Variants in FBXW11 observed in about 807,000 individuals in gnomAD.
The protein encoded by FBXW11 is F-box/WD repeat-containing protein 11.
Under a neutral mutation model 77.6 loss-of-function variants are expected in FBXW11, and 19 were observed. The ratio of observed to expected loss-of-function variants is 0.24; its 90% CI spans 0.17 to 0.36. The LOEUF is 0.36. Among genes scored for constraint, FBXW11 ranks in the 10% least tolerant of loss-of-function variants. The pLI, the probability that FBXW11 is intolerant of heterozygous loss-of-function variation, is 1.00. For synonymous variants in FBXW11, 235 were observed against 249.4 expected, an observed-to-expected ratio of 0.94 and a Z score of 0.54; for missense variants, 334 against 704.2, an observed-to-expected ratio of 0.47 and a Z score of 5.95.
intron 2 of FBXW11, among the ~76,000 whole-genome samples, chr5:171,935,160 T>C (rs1762410548): frequency 6.6e-6 from 1 of 152,176 alleles, no homozygotes; most frequent in Non-Finnish European, 1.5e-5. Context: ...GGTTTCACCG[T>C]GTTAGCCAGG....
chr5:172,005,418 T>A (rs1288987783), intron 1 of FBXW11, among the ~76,000 whole-genome samples: 1 of 152,246 alleles, frequency 6.6e-6, no homozygotes, highest in Admixed American at 6.5e-5. Flanking sequence ...CATGTTCACG[T>A]TGGCAGGTAA....
rs1763981767 is a variant in FBXW11, at chr5:171,962,857, GT to G, written c.46-5160del. Among the ~76,000 whole-genome samples, 5 of 152,250 alleles carry G rather than the reference GT, an allele frequency of 3.3e-5. No individual in the cohort carries two copies. In the South Asian group the frequency reaches 1.0e-3, roughly 32 times the overall value. ...GCCCTGATTCCTTCTCAAAGAAGCAGTTCTTTTAAAATTTCCCCAAAGAGGT... is the reference window on the plus strand; with the variant it reads ...GCCCTGATTCCTTCTCAAAGAAGCAGTCTTTTAAAATTTCCCCAAAGAGGT... On this transcript the variant is annotated intron_variant, in intron 1 of 13. Transcript: ENST00000517395.
chr5:171,981,147 TAA>T (rs58104034), intron 1 of FBXW11, among the ~76,000 whole-genome samples: 13 of 149,936 alleles, frequency 8.7e-5, no homozygotes, highest in Admixed American at 2.0e-4. Flanking sequence ...TGACCTCCAT[TAA>T]AAAAAAAAAT....
intron 2 of FBXW11, among the ~76,000 whole-genome samples, chr5:171,956,167 AAATACACCTATTAT>A (rs1194390747): frequency 2.0e-5 from 3 of 152,228 alleles, no homozygotes; most frequent in Non-Finnish European, 2.9e-5. Context: ...ATAGAGACAA[AAATACACCTATTAT>A]AATACACCTA....
chr5:171,947,143 T>C (rs562203121), intron 2 of FBXW11, among the ~76,000 whole-genome samples: 1 of 152,086 alleles, frequency 6.6e-6, no homozygotes, highest in Admixed American at 6.6e-5. Context: ...ACCACTAAAA[T>C]GTAGGTTCTG....
Position 171,977,708 on chromosome 5 carries a change from A to G in FBXW11, c.46-20010T>C. On this transcript the variant is annotated intron_variant, in intron 1 of 13. Transcript: ENST00000517395. ...AGGAGCAGGTCACATCTTAAGTAGA[A>G]TGGCAGCAAGCAAAGAGAGAGAAGC... is the stretch of plus-strand genomic sequence containing the variant. 4.8e-6 allele frequency: 2 copies of G among 415,376 alleles called. 1 individual carries two copies. The highest frequency in any genetic ancestry group is 3.5e-5 in the South Asian group (2 of 57,894). 25.7% of individuals were successfully genotyped at this position (415,376 alleles called of 1,614,324 possible).
intron 2 of FBXW11, among the ~76,000 whole-genome samples, chr5:171,930,762 T>TAAAAAAAAAAAAAAAAAAAAAAAAAAAAA (rs59700625): frequency 3.2e-5 from 4 of 126,530 alleles, no homozygotes; most frequent in Non-Finnish European, 3.3e-5. Flanking sequence ...AATAAAAAAA[T>TAAAAAAAAAAAAAAAAAAAAAAAAAAAAA]AAAAAAAAAA....
intron 7 of FBXW11, among the ~76,000 whole-genome samples, chr5:171,886,005 G>T (rs1023047243): frequency 6.6e-6 from 1 of 152,162 alleles, no homozygotes; most frequent in African/African-American, 2.4e-5. Flanking sequence ...GTCTTATTAA[G>T]TCAAATGGAT....
At chr5:171,917,403 T>A (rs1581198848) in intron 2 of FBXW11, among the ~76,000 whole-genome samples, 1 of 152,324 alleles carries the variant, frequency 6.6e-6, no homozygotes, top group African/African-American at 2.4e-5. Context: ...TCACTCTTCA[T>A]TTATTCCAAA....
intron 1 of FBXW11, chr5:171,977,712 C>A: frequency 2.4e-6 from 1 of 411,438 alleles, no homozygotes; most frequent in Non-Finnish European, 4.8e-6. Context: ...AGTAGAATGG[C>A]AGCAAGCAAA....
rs1766171110 is a variant in FBXW11, at chr5:171,998,088, C to T, written c.45+8370G>A. Among the ~76,000 whole-genome samples, 3 of 152,208 alleles carry T rather than the reference C, an allele frequency of 2.0e-5. No individual in the cohort carries two copies. In the South Asian group the frequency reaches 6.2e-4, roughly 32 times the overall value. On this transcript the variant is annotated intron_variant, in intron 1 of 13. Coordinates refer to ENST00000517395, the MANE Select transcript of FBXW11 (RefSeq NM_001378974.1). ...CCTTTTCATGGAGCACTATGGACTC[C>T]ACAGTTCAAGGGTCAGAAAGCCCAT...
intron 7 of FBXW11, among the ~76,000 whole-genome samples, chr5:171,878,484 C>G (rs1758252048): frequency 6.6e-6 from 1 of 151,724 alleles, no homozygotes; most frequent in Non-Finnish European, 1.5e-5. Flanking sequence ...GAGGCCGAGA[C>G]AGAAGGATCG....
chr5:171,868,539 A>C (rs1757560003), intron 13 of FBXW11, 71 bp downstream of exon 13: 1 of 1,360,076 alleles, frequency 7.4e-7, no homozygotes, highest in Non-Finnish European at 1.0e-6. Context: ...AAGGAACCCA[A>C]ATCACAAAAT....
At chr5:171,988,068 G>A (rs1255540126) in intron 1 of FBXW11, among the ~76,000 whole-genome samples, 1 of 152,170 alleles carries the variant, frequency 6.6e-6, no homozygotes, top group African/African-American at 2.4e-5. Context: ...AAATTAAAAG[G>A]CTAACAGAGT....
intron 2 of FBXW11, 116 bp downstream of exon 2, chr5:171,957,481 G>A: frequency 1.0e-6 from 1 of 998,378 alleles, no homozygotes; most frequent in Non-Finnish European, 1.6e-6. Context: ...GGAAAGCAGA[G>A]GGTTACACAG....
intron 2 of FBXW11, among the ~76,000 whole-genome samples, chr5:171,919,572 G>A (rs1188149180): frequency 3.3e-5 from 5 of 152,130 alleles, no homozygotes; most frequent in African/African-American, 4.8e-5. Context: ...GAAAATAATT[G>A]TTATTTAATG....
At chr5:171,906,644 T>C (rs985763925) in intron 4 of FBXW11, among the ~76,000 whole-genome samples, 1 of 152,096 alleles carries the variant, frequency 6.6e-6, no homozygotes, top group African/African-American at 2.4e-5. Flanking sequence ...TTATCATTAA[T>C]CCTCACACAA....
chr5:171,880,518 G>A (rs1758428488), intron 7 of FBXW11, among the ~76,000 whole-genome samples: 1 of 152,134 alleles, frequency 6.6e-6, no homozygotes. Flanking sequence ...ACCAATTTGG[G>A]AAGAAATGAC....
chr5:171,943,198 A>T lies in FBXW11; in HGVS notation c.147+14399T>A, dbSNP rs115923830. Among the ~76,000 whole-genome samples the T allele has an allele frequency of 4.7e-3, 719 of 152,360 alleles. 6 individuals are homozygous for T. The highest frequency in any genetic ancestry group is 0.017 in the African/African-American group (691 of 41,578). On this transcript the variant is annotated intron_variant, in intron 2 of 13. Transcript: ENST00000517395. ...GACAGTGTTCATATGCAATCTGTCT[A>T]CAACAATTGGCAGCTTGTTCTCTGC...
Sources: allele counts gnomAD v4.1 joint callset (sites outside exome capture counted in the v4.1 genomes callset), GRCh38; gene constraint gnomAD v4.1.1; transcripts MANE v1.5; gene names NCBI Gene and HGNC (gene_info 2026-07-23, HGNC 2026-07-21).